Variants in KCTD1 observed in about 807,000 individuals in gnomAD.
KCTD1 encodes the protein BTB/POZ domain-containing protein KCTD1.
Under a neutral mutation model 66.0 loss-of-function variants are expected in KCTD1, and 24 were observed. That is an observed-to-expected ratio of 0.36 (90% CI 0.26 to 0.51). KCTD1 has a LOEUF of 0.51. Ranked by LOEUF, KCTD1 falls within the 20% of genes least tolerant of loss-of-function variation. KCTD1 has a pLI of 0.95. For missense variants in KCTD1, 943 were observed against 1,205.2 expected, an observed-to-expected ratio of 0.78 and a Z score of 3.22; for synonymous variants, 511 against 517.2, an observed-to-expected ratio of 0.99 and a Z score of 0.16.
upstream of KCTD1, among the ~76,000 whole-genome samples, chr18:26,641,588 C>A (rs1352815582): frequency 1.3e-5 from 2 of 151,980 alleles, no homozygotes; most frequent in Non-Finnish European, 2.9e-5. Context: ...CCCCTCTTAT[C>A]CCCAAGTTAT....
At chr18:26,545,410 G>A (rs1985163424) in intron 1 of KCTD1, 1 of 152,192 alleles carries the variant, frequency 6.6e-6, no homozygotes, top group African/African-American at 2.4e-5. Context: ...CAGGTCTTGT[G>A]TATTTTAGAG....
At chr18:26,638,931 G>T (rs1446708759) in intron 1 of KCTD1, among the ~76,000 whole-genome samples, 1 of 152,214 alleles carries the variant, frequency 6.6e-6, no homozygotes, top group African/African-American at 2.4e-5. Flanking sequence ...GCATGCAACA[G>T]CCTCCGTTCC....
chr18:26,535,112 G>T (rs75939553), intron 1 of KCTD1, among the ~76,000 whole-genome samples: 3,720 of 31,242 alleles, frequency 0.12, 206 homozygotes, highest in African/African-American at 0.23. Flanking sequence ...GGGGTTGGGG[G>T]GTGGGGGTGG....
intron 1 of KCTD1, among the ~76,000 whole-genome samples, chr18:26,570,897 G>A (rs940494452): frequency 6.6e-6 from 1 of 152,194 alleles, no homozygotes; most frequent in African/African-American, 2.4e-5. Context: ...CTATTATTCT[G>A]TGAGGTTGTC....
intron 2 of KCTD1, among the ~76,000 whole-genome samples, chr18:26,499,068 C>T (rs191242190): frequency 6.6e-6 from 1 of 152,310 alleles, no homozygotes; most frequent in Admixed American, 6.5e-5. Context: ...AAACCTATTG[C>T]TTAAGTCACA....
rs185929157 is a variant in KCTD1, at chr18:26,513,277, C to T, written c.1810-12027G>A. Among the ~76,000 whole-genome samples the T allele has an allele frequency of 3.9e-5, 6 of 152,062 alleles. No homozygotes were observed. The East Asian group carries it at 9.7e-4, about 25-fold the overall frequency. ...TAATTTTTTGTATTTTTAGTAGAGACGGGGTTTCATCGCGTTAGCCAGGAT... is the reference window on the plus strand; with the variant it reads ...TAATTTTTTGTATTTTTAGTAGAGATGGGGTTTCATCGCGTTAGCCAGGAT... On this transcript the variant is annotated intron_variant, in intron 1 of 4. Transcript: ENST00000580059.
chr18:26,614,811 T>C (rs1052425238), intron 1 of KCTD1, among the ~76,000 whole-genome samples: 12 of 152,240 alleles, frequency 7.9e-5, no homozygotes, highest in Admixed American at 3.9e-4. Context: ...TGACCTACAC[T>C]TATCTTGTTC....
At chr18:26,521,018 T>C (rs1378000596) in intron 1 of KCTD1, among the ~76,000 whole-genome samples, 1 of 152,236 alleles carries the variant, frequency 6.6e-6, no homozygotes, top group Non-Finnish European at 1.5e-5. Flanking sequence ...TGGAACCTTT[T>C]CTTTTCAGAG....
intron 1 of KCTD1, among the ~76,000 whole-genome samples, chr18:26,635,104 G>C (rs1987696361): frequency 6.6e-6 from 1 of 151,882 alleles, no homozygotes; most frequent in East Asian, 1.9e-4. Flanking sequence ...TCTCATTATG[G>C]CTTTTTTTGC....
chr18:26,579,191 A>G (rs997763377), intron 1 of KCTD1, among the ~76,000 whole-genome samples: 1 of 152,124 alleles, frequency 6.6e-6, no homozygotes, highest in African/African-American at 2.4e-5. Context: ...TGCTCTAAAC[A>G]TATTTATTGG....
At chr18:26,475,224 T>C (rs1981278485) in intron 3 of KCTD1, among the ~76,000 whole-genome samples, 1 of 151,984 alleles carries the variant, frequency 6.6e-6, no homozygotes, top group African/African-American at 2.4e-5. Flanking sequence ...CCAGAAATAC[T>C]TTTTTTTAGC....
Position 26,548,267 on chromosome 18 carries a change from C to T in KCTD1, c.270G>A (p.Glu90=). The T allele has an allele frequency of 6.6e-7, 1 of 1,514,302 alleles. No individual in the cohort carries two copies. The highest frequency in any genetic ancestry group is 8.8e-7 in the Non-Finnish European group (1 of 1,134,952). 93.8% of individuals were successfully genotyped at this position (1,514,302 alleles called of 1,614,324 possible). A position where few individuals can be genotyped will look rare whatever the true frequency, so the allele number is the denominator to read the frequency against. The change falls in exon 1 of 5, where the codon GAG becomes GAA. Residue 90 remains glutamate (E), a synonymous_variant. Coordinates refer to ENST00000580059, the MANE Select transcript of KCTD1 (RefSeq NM_001142730.3). ...DGGGGLEEDE[E]EEEEEEMGLD... ...GCCCCATCTCCTCCTCTTCCTCCTC[C>T]TCCTCGTCCTCCTCCAGCCCCCCAC...
intron 1 of KCTD1, among the ~76,000 whole-genome samples, chr18:26,560,052 T>C (rs754149998): frequency 2.0e-5 from 3 of 151,816 alleles, no homozygotes; most frequent in Non-Finnish European, 4.4e-5. Context: ...ATTGGCTATA[T>C]CTTAGAATCA....
At chr18:26,602,201 T>C (rs1986914592) in intron 1 of KCTD1, among the ~76,000 whole-genome samples, 2 of 152,210 alleles carry the variant, frequency 1.3e-5, no homozygotes. Flanking sequence ...TTTTGCCAAC[T>C]GATTTTTCTG....
At chr18:26,526,438 C>T (rs1314476089) in intron 1 of KCTD1, among the ~76,000 whole-genome samples, 5 of 152,110 alleles carry the variant, frequency 3.3e-5, no homozygotes, top group African/African-American at 9.7e-5. Flanking sequence ...TGGGGTGGCA[C>T]GCGATGACCA....
In KCTD1 at chr18:26,547,114, C is replaced by T. The variant is rs1234121765; in HGVS notation, c.1423G>A (p.Ala475Thr). 1.3e-6 allele frequency: 2 copies of T among 1,549,412 alleles called. No individual in the cohort carries two copies. Among genetic ancestry groups the T allele is most frequent in the South Asian group, 2.4e-5 (2 of 83,980 alleles). Reference protein sequence around the residue: ...AGIGTKLGSPAPQGCYAEALN... With the variant: ...AGIGTKLGSPTPQGCYAEALN... ...GCCTCGGCGTAGCAGCCCTGCGGGG[C>T]GGGCGAGCCCAGCTTGGTGCCAATG... Residue 475 changes from alanine (A) to threonine (T), a missense_variant, in exon 1 of 5, where the codon GCC (alanine) becomes ACC (threonine). Ala to Thr is a moderately conservative substitution (Grantham distance 58). Transcript: ENST00000580059.
At chr18:26,550,962 G>A (rs1489743083), upstream of KCTD1, among the ~76,000 whole-genome samples, 1 of 152,214 alleles carries the variant, frequency 6.6e-6, no homozygotes, top group Non-Finnish European at 1.5e-5. The surrounding 1 kb of genome is among the most constrained non-coding windows in gnomAD (Gnocchi z 5.4). Flanking sequence ...TAAGCGCAGG[G>A]ACCCGGGGGC....
chr18:26,527,464 T>C (rs1454607765), intron 1 of KCTD1, among the ~76,000 whole-genome samples: 2 of 120,996 alleles, frequency 1.7e-5, no homozygotes, highest in African/African-American at 6.4e-5. Flanking sequence ...TTTATGTTTA[T>C]GTGAAAGAGG....
At chr18:26,525,639 A>C (rs1029174585) in intron 1 of KCTD1, among the ~76,000 whole-genome samples, 2 of 152,162 alleles carry the variant, frequency 1.3e-5, no homozygotes, top group Non-Finnish European at 2.9e-5. Flanking sequence ...CTCCCCTGAT[A>C]ACCAACTGTC....
Sources: gnomAD v4.1 joint callset for allele counts (sites outside exome capture counted in the v4.1 genomes callset) on GRCh38, gnomAD v4.1.1 for gene constraint, Gnocchi (gnomAD v3.1) non-coding constraint, MANE v1.5 for transcripts, NCBI Gene and HGNC (gene_info 2026-07-23, HGNC 2026-07-21) for gene names.